The following GSK3B variants were observed in gnomAD, a reference collection of about 807,000 sequenced individuals.
The protein encoded by GSK3B is glycogen synthase kinase 3 beta, also known as glycogen synthase kinase-3 beta.
GSK3B carries 15 observed loss-of-function variants against 56.4 expected under a neutral mutation model. The ratio of observed to expected loss-of-function variants is 0.27; its 90% confidence interval spans 0.18 to 0.41. The LOEUF is 0.41. Among genes scored for constraint, GSK3B ranks in the 10% least tolerant of loss-of-function variants. The pLI is 1.00. For missense variants in GSK3B, 300 were observed against 513.4 expected (o/e 0.58, Z 4.02); for synonymous variants, 181 against 188.9 (o/e 0.96, Z 0.34).
At chr3:119,878,826 A>G (rs1176060961) in intron 7 of GSK3B, among the ~76,000 whole-genome samples, 1 of 152,192 alleles carries the variant, frequency 6.6e-6, no homozygotes, top group Non-Finnish European at 1.5e-5. Flanking sequence ...GAGAAGCCAG[A>G]CCAAAAAGAG....
At chr3:120,017,568 T>C (rs182713495) in intron 1 of GSK3B, among the ~76,000 whole-genome samples, 2 of 152,176 alleles carry the variant, frequency 1.3e-5, no homozygotes, top group Non-Finnish European at 2.9e-5. Context: ...TAGCACAGCA[T>C]ACAAATTTAC....
At chr3:119,862,524 T>A (rs865915247) in intron 9 of GSK3B, among the ~76,000 whole-genome samples, 952 of 111,494 alleles carry the variant, frequency 8.5e-3, no homozygotes, top group African/African-American at 0.011. Context: ...TAGAGTATAA[T>A]AAAAAAAAAA....
intron 1 of GSK3B, among the ~76,000 whole-genome samples, chr3:120,082,466 G>A (rs770398691): frequency 2.3e-5 from 3 of 130,662 alleles, no homozygotes; most frequent in South Asian, 2.4e-4. Flanking sequence ...GCACAATCTC[G>A]GCTCACTGCA....
chr3:119,932,187 T>A (rs1430308908), intron 3 of GSK3B, among the ~76,000 whole-genome samples: 2 of 152,170 alleles, frequency 1.3e-5, no homozygotes, highest in African/African-American at 4.8e-5. Flanking sequence ...ATACAACATA[T>A]TAGAGATCCC....
chr3:119,838,084 T>C (rs1271617094), intron 10 of GSK3B, among the ~76,000 whole-genome samples: 2 of 151,516 alleles, frequency 1.3e-5, no homozygotes, highest in East Asian at 3.9e-4. Flanking sequence ...GGCCAGGAGT[T>C]CGAGACCAGC....
At position 119,826,647 on chromosome 3, in the gene GSK3B, C is replaced by CAAT; in HGVS notation, c.*138_*140dup. The CAAT allele has an allele frequency of 1.8e-6, 1 of 549,724 alleles. No homozygotes were observed. The highest frequency in any genetic ancestry group is 1.5e-5 in the South Asian group (1 of 65,100). The allele number at this position is 549,724 out of a possible 1,614,324, so 34.1% of individuals were successfully genotyped here. ...ATTTTACAAGGTTAAATAAGAACAA[C>CAAT]AATAATAATAAAAAAATTGAACACT... On this transcript the variant is annotated 3_prime_UTR_variant, in exon 11 of 11. Transcript: ENST00000264235.
chr3:119,927,413 G>C (rs2056898739), intron 3 of GSK3B, among the ~76,000 whole-genome samples: 1 of 152,082 alleles, frequency 6.6e-6, no homozygotes, highest in Admixed American at 6.6e-5. Context: ...AGGCAATAGG[G>C]ACTTTTTTTA....
chr3:119,845,280 C>T (rs2055839802), intron 9 of GSK3B, among the ~76,000 whole-genome samples: 1 of 152,180 alleles, frequency 6.6e-6, no homozygotes, highest in Non-Finnish European at 1.5e-5. Context: ...CCTCTCTCAC[C>T]ACTCCTATTC....
chr3:119,849,429 A>G (rs1476327736), intron 9 of GSK3B, among the ~76,000 whole-genome samples: 2 of 152,192 alleles, frequency 1.3e-5, no homozygotes, highest in Non-Finnish European at 2.9e-5. Flanking sequence ...CCTAAAATAA[A>G]CCTAAAAATG....
chr3:120,091,702 G>A (rs113293691), intron 1 of GSK3B, among the ~76,000 whole-genome samples: 3 of 151,950 alleles, frequency 2.0e-5, no homozygotes, highest in African/African-American at 7.2e-5. Flanking sequence ...AATTACCCCG[G>A]AATTTTAAAA....
At chr3:119,952,955 CTATAGA>C (rs769440856) in intron 2 of GSK3B, among the ~76,000 whole-genome samples, 3 of 151,892 alleles carry the variant, frequency 2.0e-5, no homozygotes, top group Admixed American at 6.6e-5. Context: ...ATATAAAAGA[CTATAGA>C]TATATTTTTA....
chr3:119,926,451 C>A (rs1257905471), intron 3 of GSK3B, among the ~76,000 whole-genome samples: 3 of 152,152 alleles, frequency 2.0e-5, no homozygotes, highest in Non-Finnish European at 4.4e-5. Flanking sequence ...TCATCATCTT[C>A]ACTGGTAGAA....
chr3:119,914,337 T>C (rs752154702), intron 5 of GSK3B, among the ~76,000 whole-genome samples: 1 of 152,080 alleles, frequency 6.6e-6, no homozygotes, highest in Admixed American at 6.6e-5. Flanking sequence ...AGAGGGTTTA[T>C]AAAAATGAGC....
At chr3:119,935,188 T>C (rs1225877576) in intron 3 of GSK3B, among the ~76,000 whole-genome samples, 1 of 152,198 alleles carries the variant, frequency 6.6e-6, no homozygotes, top group African/African-American at 2.4e-5. Context: ...TCAAGTTTCA[T>C]CCAGATAATC....
chr3:119,933,249 T>C (rs1253177426), intron 3 of GSK3B, among the ~76,000 whole-genome samples: 1 of 151,950 alleles, frequency 6.6e-6, no homozygotes, highest in Admixed American at 6.6e-5. Context: ...GAAAAGAAAA[T>C]TCAGTCTGAG....
At chr3:119,936,987 G>C (rs902514164) in intron 3 of GSK3B, among the ~76,000 whole-genome samples, 5 of 151,864 alleles carry the variant, frequency 3.3e-5, no homozygotes, top group African/African-American at 7.3e-5. Flanking sequence ...CATATATTAG[G>C]CCACAAAACA....
chr3:119,980,190 G>A (rs1278492381), intron 2 of GSK3B, among the ~76,000 whole-genome samples: 2 of 152,064 alleles, frequency 1.3e-5, no homozygotes, highest in Non-Finnish European at 2.9e-5. Flanking sequence ...AATCTTACTG[G>A]TACACTAAAG....
intron 9 of GSK3B, among the ~76,000 whole-genome samples, chr3:119,857,362 C>T (rs2056036688): frequency 1.3e-5 from 2 of 152,222 alleles, no homozygotes; most frequent in Admixed American, 6.5e-5. Context: ...CAAACCCTGT[C>T]ACCGCTTTCA....
intron 9 of GSK3B, among the ~76,000 whole-genome samples, chr3:119,855,508 T>G (rs2056006906): frequency 6.6e-6 from 1 of 152,238 alleles, no homozygotes; most frequent in South Asian, 2.1e-4. Flanking sequence ...CAAATCATGC[T>G]GCTATAAAGA....
Sources: allele counts gnomAD v4.1 joint callset (sites outside exome capture counted in the v4.1 genomes callset), GRCh38; gene constraint gnomAD v4.1.1; transcripts MANE v1.5; gene names NCBI Gene and HGNC (gene_info 2026-07-23, HGNC 2026-07-21).